The following LHFPL3 variants were observed in gnomAD, a reference collection of about 807,000 sequenced individuals.
The protein encoded by LHFPL3 is LHFPL tetraspan subfamily member 3 protein.
A neutral mutation model predicts 19.3 loss-of-function variants in LHFPL3; 5 were observed. The ratio of observed to expected loss-of-function variants is 0.26; its 90% CI spans 0.14 to 0.54. The LOEUF is 0.54. Among genes scored for constraint, LHFPL3 ranks in the 20% least tolerant of loss-of-function variants. The pLI, the probability that LHFPL3 is intolerant of heterozygous loss-of-function variation, is 0.94. For synonymous variants in LHFPL3, 133 were observed against 126.2 expected (o/e 1.05, Z -0.36); for missense variants, 249 against 307.4 (o/e 0.81, Z 1.42).
intron 2 of LHFPL3, among the ~76,000 whole-genome samples, chr7:104,844,074 T>C (rs1051923407): frequency 6.6e-6 from 1 of 152,158 alleles, no homozygotes; most frequent in African/African-American, 2.4e-5. Context: ...CAGGTACCTT[T>C]TAGACTAAGT....
At chr7:104,539,064 G>C (rs1489295771) in intron 1 of LHFPL3, among the ~76,000 whole-genome samples, 1 of 152,146 alleles carries the variant, frequency 6.6e-6, no homozygotes, top group Non-Finnish European at 1.5e-5. Context: ...TAAAAAACCA[G>C]ATTTTCCCCT....
intron 1 of LHFPL3, among the ~76,000 whole-genome samples, chr7:104,497,309 G>GAAAAA (rs34908934): frequency 5.2e-5 from 5 of 96,688 alleles, no homozygotes; most frequent in African/African-American, 1.3e-4. Flanking sequence ...TTGAGAAAAG[G>GAAAAA]AAAAAAAAAA....
chr7:104,602,143 C>A (rs1790984509), intron 1 of LHFPL3, among the ~76,000 whole-genome samples: 1 of 149,798 alleles, frequency 6.7e-6, no homozygotes, highest in African/African-American at 2.5e-5. Flanking sequence ...GCCTCAGCCT[C>A]CCAAGTAGCT....
intron 1 of LHFPL3, among the ~76,000 whole-genome samples, chr7:104,646,095 C>T (rs1328133299): frequency 6.6e-6 from 1 of 152,202 alleles, no homozygotes; most frequent in Non-Finnish European, 1.5e-5. Context: ...CCACCTCTTA[C>T]TTACCAAATA....
intron 1 of LHFPL3, among the ~76,000 whole-genome samples, chr7:104,563,381 G>C (rs375671680): frequency 2.0e-5 from 3 of 149,306 alleles, no homozygotes; most frequent in Non-Finnish European, 4.4e-5. Context: ...ATATAATCTC[G>C]TGGTGCACCG....
intron 2 of LHFPL3, among the ~76,000 whole-genome samples, chr7:104,800,834 A>G (rs1790231352): frequency 6.6e-6 from 1 of 152,216 alleles, no homozygotes; most frequent in South Asian, 2.1e-4. Flanking sequence ...GCCAAAAACT[A>G]AAGAAGAAAC....
intron 1 of LHFPL3, among the ~76,000 whole-genome samples, chr7:104,684,895 C>T (rs149259979): frequency 5.9e-5 from 9 of 152,290 alleles, no homozygotes; most frequent in South Asian, 4.1e-4. Flanking sequence ...TGATCTCCAC[C>T]GCCCAGGGCA....
At chr7:104,500,543 C>A (rs739381) in intron 1 of LHFPL3, among the ~76,000 whole-genome samples, 23 of 151,568 alleles carry the variant, frequency 1.5e-4, no homozygotes, top group Non-Finnish European at 2.5e-4. Flanking sequence ...GTGGTTTTTG[C>A]GCTAATATCT....
At chr7:104,561,863 T>G (rs961238660) in intron 1 of LHFPL3, among the ~76,000 whole-genome samples, 2 of 152,208 alleles carry the variant, frequency 1.3e-5, no homozygotes, top group African/African-American at 2.4e-5. Flanking sequence ...CAGGAGCTCT[T>G]GTAAGGCAGG....
At chr7:104,880,410 T>A (rs1357580980) in intron 2 of LHFPL3, among the ~76,000 whole-genome samples, 1 of 151,956 alleles carries the variant, frequency 6.6e-6, no homozygotes, top group Non-Finnish European at 1.5e-5. Flanking sequence ...GCCAAATAAA[T>A]CTCTTTCTGC....
chr7:104,443,880 G>A (rs1177490302), intron 1 of LHFPL3, among the ~76,000 whole-genome samples: 1 of 152,244 alleles, frequency 6.6e-6, no homozygotes, highest in African/African-American at 2.4e-5. Flanking sequence ...GCAGAGGAGA[G>A]CACAACAGAA....
At chr7:104,893,466 G>C (rs906338668) in intron 2 of LHFPL3, among the ~76,000 whole-genome samples, 1 of 151,678 alleles carries the variant, frequency 6.6e-6, no homozygotes, top group Non-Finnish European at 1.5e-5. Context: ...AGGTTGCAGT[G>C]AGCCAAGATC....
intron 2 of LHFPL3, among the ~76,000 whole-genome samples, chr7:104,756,160 T>A (rs10216008): frequency 0.96 from 146,404 of 152,138 alleles, 70,455 homozygotes; most frequent in East Asian, 0.99. Context: ...GTGCACACAC[T>A]CACACTCCAC....
intron 1 of LHFPL3, among the ~76,000 whole-genome samples, chr7:104,440,896 G>A (rs1792213027): frequency 6.6e-6 from 1 of 152,048 alleles, no homozygotes; most frequent in Non-Finnish European, 1.5e-5. Context: ...ACAAAAGACC[G>A]TGCATATTTA....
At chr7:104,381,529 T>C (rs549501134) in intron 1 of LHFPL3, among the ~76,000 whole-genome samples, 7 of 151,886 alleles carry the variant, frequency 4.6e-5, no homozygotes, top group African/African-American at 1.4e-4. Context: ...TCCTCCTTTC[T>C]TCCATCTTTC....
chr7:104,395,988 C>A lies in LHFPL3; in HGVS notation c.445+66764C>A, dbSNP rs78260366. Among the ~76,000 whole-genome samples, 545 of 152,196 alleles carry A rather than the reference C, an allele frequency of 3.6e-3. 4 individuals are homozygous for A. The highest frequency in any genetic ancestry group is 0.012 in the African/African-American group (517 of 41,524). ...GAAATCTCGGGTCATCTCACTGGTA[C>A]CAATGGCAAAAAGGCAGGTGGGACT... On this transcript the variant is annotated intron_variant, in intron 1 of 2. Transcript: ENST00000424859.
intron 1 of LHFPL3, among the ~76,000 whole-genome samples, chr7:104,611,390 G>A (rs964637398): frequency 2.0e-5 from 3 of 152,194 alleles, no homozygotes; most frequent in Non-Finnish European, 4.4e-5. Flanking sequence ...GCAATGCCAA[G>A]CAATACAGGC....
rs148859183 is a variant in LHFPL3, at chr7:104,802,048, C to T, written c.682+65137C>T. 4.6e-3 allele frequency among the ~76,000 whole-genome samples: 701 copies of T among 152,162 alleles called. 4 individuals carry two copies. Among genetic ancestry groups the T allele is most frequent in the African/African-American group, 0.016 (664 of 41,512 alleles). On this transcript the variant is annotated intron_variant, in intron 2 of 2. Coordinates refer to ENST00000424859, the MANE Select transcript of LHFPL3 (RefSeq NM_199000.3). ...ATCACTGTTAACCTTTCTTCCCTAC[C>T]TCTTTCTCTACCCCTGCTATGTTGC...
At chr7:104,862,976 T>C (rs1791645737) in intron 2 of LHFPL3, among the ~76,000 whole-genome samples, 1 of 152,166 alleles carries the variant, frequency 6.6e-6, no homozygotes, top group East Asian at 1.9e-4. Flanking sequence ...AAACCGAGTG[T>C]CTGTACACCA....
Sources: gnomAD v4.1 joint callset for allele counts (sites outside exome capture counted in the v4.1 genomes callset) on GRCh38, gnomAD v4.1.1 for gene constraint, MANE v1.5 for transcripts, NCBI Gene and HGNC (gene_info 2026-07-23, HGNC 2026-07-21) for gene names.